RUNX2: variants seen among roughly 807,000 people sequenced by gnomAD.
RUNX2 encodes runt-related transcription factor 2.
Under a neutral mutation model 51.7 loss-of-function variants are expected in RUNX2, and 10 were observed. That is an observed-to-expected ratio of 0.19 (90% CI 0.12 to 0.33). The LOEUF (loss-of-function observed/expected upper bound fraction) is 0.33, where lower values mean the gene tolerates loss of function less well. Ranked by LOEUF, RUNX2 falls within the 10% of genes least tolerant of loss-of-function variation. RUNX2 has a pLI of 1.00. For synonymous variants in RUNX2, 276 were observed against 273.6 expected (o/e 1.01, Z -0.09); for missense variants, 562 against 691.3 (o/e 0.81, Z 2.10).
chr6:45,471,421 C>A (rs1054114490), intron 5 of RUNX2, among the ~76,000 whole-genome samples: 3 of 151,456 alleles, frequency 2.0e-5, no homozygotes, highest in African/African-American at 2.4e-5. Context: ...TACCTACATC[C>A]CTCGCCCCAG....
At chr6:45,509,023 A>G (rs762362540) in intron 6 of RUNX2, among the ~76,000 whole-genome samples, 1 of 152,160 alleles carries the variant, frequency 6.6e-6, no homozygotes, top group Non-Finnish European at 1.5e-5. Context: ...ATAGAGTCAT[A>G]TTTTAATATT....
At chr6:45,542,642 A>C (rs1032466338) in intron 7 of RUNX2, among the ~76,000 whole-genome samples, 1 of 152,154 alleles carries the variant, frequency 6.6e-6, no homozygotes, top group Non-Finnish European at 1.5e-5. Context: ...AAAGATAGGA[A>C]CTCTCACTGG....
At position 45,411,908 on chromosome 6, in the gene RUNX2, A is replaced by T. The variant is rs541534795; in HGVS notation, c.59-10685A>T. Among the ~76,000 whole-genome samples, 4 of 152,338 alleles carry T rather than the reference A, an allele frequency of 2.6e-5. No homozygotes were observed. The East Asian group carries it at 7.7e-4, about 29-fold the overall frequency. On this transcript the variant is annotated intron_variant, in intron 2 of 8. Transcript: ENST00000647337. ...GAGAATAGTAAGCATTAAGCTTAAGATCTGGAACATCTCATTCAGTGTGCT... is the reference window on the plus strand; with the variant it reads ...GAGAATAGTAAGCATTAAGCTTAAGTTCTGGAACATCTCATTCAGTGTGCT...
At chr6:45,412,231 C>CT (rs1797966659) in intron 2 of RUNX2, among the ~76,000 whole-genome samples, 1 of 151,556 alleles carries the variant, frequency 6.6e-6, no homozygotes. Context: ...TAGCTCATGC[C>CT]TGTAGTTCCA....
intron 2 of RUNX2, among the ~76,000 whole-genome samples, chr6:45,362,024 G>A (rs144426135): frequency 1.3e-5 from 2 of 151,976 alleles, no homozygotes; most frequent in Non-Finnish European, 2.9e-5. Flanking sequence ...GCACTCCAGC[G>A]CCTGGGCAAC....
At chr6:45,465,058 A>G (rs557119808) in intron 5 of RUNX2, among the ~76,000 whole-genome samples, 3 of 152,296 alleles carry the variant, frequency 2.0e-5, no homozygotes, top group Admixed American at 2.0e-4. Context: ...AATACTTTAG[A>G]ATTTATATGT....
At chr6:45,404,479 A>C (rs1797791436) in intron 2 of RUNX2, among the ~76,000 whole-genome samples, 1 of 152,082 alleles carries the variant, frequency 6.6e-6, no homozygotes. Context: ...ATTTATTGAA[A>C]CGGCCAATGT....
At chr6:45,484,416 A>T (rs73448164) in intron 5 of RUNX2, among the ~76,000 whole-genome samples, 8,431 of 152,250 alleles carry the variant, frequency 0.055, 616 homozygotes, top group East Asian at 0.22. Flanking sequence ...TTACAAGAGT[A>T]TAGGTCTTTG....
intron 5 of RUNX2, among the ~76,000 whole-genome samples, chr6:45,447,363 T>C (rs757195575): frequency 2.1e-4 from 32 of 152,232 alleles, no homozygotes; most frequent in Non-Finnish European, 4.3e-4. Context: ...GTGAGAGTTT[T>C]AGGGTTCTGT....
At chr6:45,539,358 A>G (rs1465170034) in intron 7 of RUNX2, among the ~76,000 whole-genome samples, 1 of 152,208 alleles carries the variant, frequency 6.6e-6, no homozygotes, top group Non-Finnish European at 1.5e-5. Flanking sequence ...TAGACTGGAT[A>G]GTCGAGGGAC....
chr6:45,540,774 A>G (rs1436982133), intron 7 of RUNX2, among the ~76,000 whole-genome samples: 1 of 134,000 alleles, frequency 7.5e-6, no homozygotes, highest in Non-Finnish European at 1.7e-5. Flanking sequence ...CCCTTCATCT[A>G]GTCTCCCCAG....
chr6:45,376,871 A>G (rs1238452209), intron 2 of RUNX2, among the ~76,000 whole-genome samples: 1 of 152,224 alleles, frequency 6.6e-6, no homozygotes, highest in African/African-American at 2.4e-5. Flanking sequence ...ATATACACAT[A>G]CATATACTTA....
chr6:45,350,286 A>T (rs1791751642), intron 2 of RUNX2, among the ~76,000 whole-genome samples: 3 of 152,230 alleles, frequency 2.0e-5, no homozygotes, highest in Admixed American at 6.5e-5. Flanking sequence ...ATAAACAAAA[A>T]ACATTTGTAT....
At chr6:45,425,313 C>A (rs1205998879) in intron 3 of RUNX2, among the ~76,000 whole-genome samples, 1 of 152,192 alleles carries the variant, frequency 6.6e-6, no homozygotes, top group Admixed American at 6.5e-5. Flanking sequence ...TTAGCTTGAG[C>A]TAGTCTCAGA....
chr6:45,448,618 C>T (rs892371000), intron 5 of RUNX2, among the ~76,000 whole-genome samples: 1 of 152,090 alleles, frequency 6.6e-6, no homozygotes, highest in African/African-American at 2.4e-5. Flanking sequence ...CATCAGATGA[C>T]ACTGAAGCAA....
intron 5 of RUNX2, among the ~76,000 whole-genome samples, chr6:45,445,939 G>T (rs930975811): frequency 1.3e-5 from 2 of 152,038 alleles, no homozygotes; most frequent in African/African-American, 4.8e-5. Flanking sequence ...TTGTTGACTG[G>T]CTGTCAGGAG....
chr6:45,329,489 T>C (rs187952285), intron 2 of RUNX2, among the ~76,000 whole-genome samples: 73 of 152,098 alleles, frequency 4.8e-4, no homozygotes, highest in Middle Eastern at 3.4e-3. Context: ...TACATGCAAC[T>C]GCATTTTTCT....
intron 7 of RUNX2, 60 bp downstream of exon 7, chr6:45,512,467 G>C: frequency 6.3e-7 from 1 of 1,579,920 alleles, no homozygotes; most frequent in Non-Finnish European, 8.7e-7. Context: ...GGAGTGGGAT[G>C]GGCTGAGCCT....
intron 3 of RUNX2, among the ~76,000 whole-genome samples, chr6:45,429,368 T>C (rs571485046): frequency 6.6e-6 from 1 of 152,226 alleles, no homozygotes; most frequent in Non-Finnish European, 1.5e-5. Context: ...AACATTCAGA[T>C]GAATCCTGGC....
Sources: allele counts gnomAD v4.1 joint callset (sites outside exome capture counted in the v4.1 genomes callset), GRCh38; gene constraint gnomAD v4.1.1; transcripts MANE v1.5; gene names NCBI Gene and HGNC (gene_info 2026-07-23, HGNC 2026-07-21).